Variants in ATP6V1C1 observed in about 807,000 individuals in gnomAD.
ATP6V1C1 encodes the protein V-type proton ATPase subunit C 1.
ATP6V1C1 carries 45 observed loss-of-function variants against 53.9 expected under a neutral mutation model. The ratio of observed to expected loss-of-function variants is 0.83; its 90% confidence interval spans 0.66 to 1.07. The LOEUF is 1.07. ATP6V1C1 is among the 50% of genes least tolerant of loss of function. The pLI is 0.00. For missense variants in ATP6V1C1, 315 were observed against 440.3 expected (o/e 0.72, Z 2.55); for synonymous variants, 153 against 155.2 (o/e 0.99, Z 0.11).
At position 103,030,518 on chromosome 8, in the gene ATP6V1C1, A is replaced by G. The variant is rs77706022; in HGVS notation, c.-40+9293A>G. On this transcript the variant is annotated intron_variant, in intron 1 of 12. Transcript: ENST00000518738. ...CAAATCTGGACAAGATATATTAAAAAACTGCTTCCAGACATCGGACAATAG... is the reference window on the plus strand; with the variant it reads ...CAAATCTGGACAAGATATATTAAAAGACTGCTTCCAGACATCGGACAATAG... Among the ~76,000 whole-genome samples, 293 of 152,312 alleles carry G rather than the reference A, an allele frequency of 1.9e-3. 1 individual carries two copies. The highest frequency in any genetic ancestry group is 6.9e-3 in the African/African-American group (285 of 41,574).
intron 10 of ATP6V1C1, 30 bp from the exon 11 acceptor site, chr8:103,064,684 A>G (rs1275954118): frequency 1.3e-6 from 2 of 1,590,372 alleles, no homozygotes; most frequent in East Asian, 2.2e-5. Flanking sequence ...TCTAAGACCA[A>G]ATTTGTGGTA....
chr8:103,068,915 G>A lies in ATP6V1C1; in HGVS notation c.*168G>A. 2.6e-6 allele frequency: 1 copy of A among 383,638 alleles called. No individual in the cohort carries two copies. Among genetic ancestry groups the A allele is most frequent in the South Asian group, 1.1e-4 (1 of 8,888 alleles). The allele number at this position is 383,638 out of a possible 1,614,324, so 23.8% of individuals were successfully genotyped here. On this transcript the variant is annotated 3_prime_UTR_variant, in exon 13 of 13. Transcript: ENST00000518738. ...TGTATCTCAACATTTTCTTTTTAAAGGAAAAAATATATATATATAGTTTCT... is the reference window on the plus strand; with the variant it reads ...TGTATCTCAACATTTTCTTTTTAAAAGAAAAAATATATATATATAGTTTCT...
intron 8 of ATP6V1C1, among the ~76,000 whole-genome samples, chr8:103,059,324 C>A (rs1586325598): frequency 6.6e-6 from 1 of 152,216 alleles, no homozygotes; most frequent in East Asian, 1.9e-4. Flanking sequence ...AGCCAGCCTT[C>A]CCCCCAACCA....
chr8:103,031,353 A>G (rs1044296536), intron 1 of ATP6V1C1, among the ~76,000 whole-genome samples: 1 of 152,170 alleles, frequency 6.6e-6, no homozygotes, highest in Non-Finnish European at 1.5e-5. Flanking sequence ...ATTTATAAAG[A>G]AAAGAGGTTT....
chr8:103,064,137 T>C (rs1157685303), intron 10 of ATP6V1C1, among the ~76,000 whole-genome samples: 2 of 152,220 alleles, frequency 1.3e-5, no homozygotes, highest in Non-Finnish European at 2.9e-5. Context: ...AGGAGGTATT[T>C]GAAATCCGCT....
Position 103,071,002 on chromosome 8 carries a change from G to A in ATP6V1C1, c.*2255G>A, listed in dbSNP as rs1817577988. ...GGTTGATGCAGGTACTTAGCCCTTGGGGAACACAGGTAGTTCCTTTTCACT... is the reference window on the plus strand; with the variant it reads ...GGTTGATGCAGGTACTTAGCCCTTGAGGAACACAGGTAGTTCCTTTTCACT... On this transcript the variant is annotated 3_prime_UTR_variant, in exon 13 of 13. Coordinates refer to ENST00000518738, the MANE Select transcript of ATP6V1C1 (RefSeq NM_001695.5). 1 of 152,278 alleles carries A rather than the reference G, an allele frequency of 6.6e-6. No individual in the cohort carries two copies. Among genetic ancestry groups the A allele is most frequent in the Non-Finnish European group, 1.5e-5 (1 of 68,068 alleles). The allele number at this position is 152,278 out of a possible 1,614,324, so 9.4% of individuals were successfully genotyped here.
rs1416712428 is a variant in ATP6V1C1 at position 103,048,911 on chromosome 8, A to G, written c.242A>G (p.Glu81Gly). ...GCTCAATACATGGCTGATGTATTGGAAGATAGCAAAGACAAAGTTCAAGAG... is the reference window on the plus strand; with the variant it reads ...GCTCAATACATGGCTGATGTATTGGGAGATAGCAAAGACAAAGTTCAAGAG... ...KVAQYMADVL[E>G]DSKDKVQENL... Residue 81 changes from glutamate (E) to glycine (G), a missense_variant, in exon 4 of 13, where the codon GAA (glutamate) becomes GGA (glycine). Glu to Gly is a moderately conservative substitution (Grantham distance 98). Coordinates refer to ENST00000518738, the MANE Select transcript of ATP6V1C1 (RefSeq NM_001695.5). 1.9e-6 allele frequency: 3 copies of G among 1,613,380 alleles called. No individual in the cohort carries two copies.
chr8:103,062,848 G>A (rs1817425384), intron 8 of ATP6V1C1, 107 bp from the exon 9 acceptor site: 4 of 835,378 alleles, frequency 4.8e-6, no homozygotes, highest in Non-Finnish European at 5.8e-6. Flanking sequence ...ATTTGGGAAG[G>A]GCTATTATAC....
chr8:103,028,832 A>G lies in ATP6V1C1; in HGVS notation c.-40+7607A>G, dbSNP rs777828577. On this transcript the variant is annotated intron_variant, in intron 1 of 12. Transcript: ENST00000518738. ...AAAGGGCCGTTTACCAACTTTGATC[A>G]CATCTTCAGAAGTAGCTACAATTAA... 5.3e-5 allele frequency among the ~76,000 whole-genome samples: 8 copies of G among 152,322 alleles called. No individual in the cohort carries two copies. The South Asian group carries it at 8.3e-4, about 16-fold the overall frequency.
intron 1 of ATP6V1C1, among the ~76,000 whole-genome samples, chr8:103,038,481 C>T (rs779262723): frequency 4.6e-5 from 7 of 152,142 alleles, no homozygotes; most frequent in Non-Finnish European, 8.8e-5. Flanking sequence ...GAAGACATAT[C>T]CTGTAATTCA....
intron 4 of ATP6V1C1, among the ~76,000 whole-genome samples, chr8:103,050,011 A>G (rs1375062495): frequency 6.6e-6 from 1 of 152,016 alleles, no homozygotes; most frequent in African/African-American, 2.4e-5. Context: ...TTCATTCTCT[A>G]CAGGATCACC....
chr8:103,055,783 T>C, intron 7 of ATP6V1C1, 85 bp from the exon 8 acceptor site: 1 of 1,285,554 alleles, frequency 7.8e-7, no homozygotes, highest in East Asian at 2.4e-5. Context: ...ATTTCCTATT[T>C]GTCTCATAAT....
intron 1 of ATP6V1C1, among the ~76,000 whole-genome samples, chr8:103,040,376 T>G (rs1253915593): frequency 6.6e-6 from 1 of 151,570 alleles, no homozygotes; most frequent in Non-Finnish European, 1.5e-5. Flanking sequence ...ATTATGCCAC[T>G]GTACTCCAGC....
At chr8:103,051,239 A>G (rs1817194719) in intron 5 of ATP6V1C1, 95 bp downstream of exon 5, 1 of 873,606 alleles carries the variant, frequency 1.1e-6, no homozygotes. Context: ...GGTTTTGATA[A>G]GGCAACTTAA....
At chr8:103,025,177 T>A (rs1388629230) in intron 1 of ATP6V1C1, among the ~76,000 whole-genome samples, 1 of 152,214 alleles carries the variant, frequency 6.6e-6, no homozygotes, top group Non-Finnish European at 1.5e-5. Context: ...TAGGAAGTTG[T>A]AAATTAAGGC....
chr8:103,064,047 A>G (rs373440802), intron 10 of ATP6V1C1, among the ~76,000 whole-genome samples: 56 of 152,288 alleles, frequency 3.7e-4, no homozygotes, highest in African/African-American at 1.3e-3. Context: ...CTTTTGCTTA[A>G]ATTAATTGTT....
intron 1 of ATP6V1C1, among the ~76,000 whole-genome samples, chr8:103,023,602 G>T (rs1816638187): frequency 6.6e-6 from 1 of 152,122 alleles, no homozygotes; most frequent in Non-Finnish European, 1.5e-5. Flanking sequence ...CCTTTTGTAA[G>T]GTCATCTATT....
At chr8:103,035,066 A>G (rs1191336973) in intron 1 of ATP6V1C1, among the ~76,000 whole-genome samples, 1 of 152,166 alleles carries the variant, frequency 6.6e-6, no homozygotes, top group Non-Finnish European at 1.5e-5. Flanking sequence ...TGCTTTGACG[A>G]GGGGTAGAAG....
chr8:103,043,106 G>A (rs1478552383), intron 3 of ATP6V1C1, among the ~76,000 whole-genome samples: 1 of 152,064 alleles, frequency 6.6e-6, no homozygotes, highest in East Asian at 1.9e-4. Context: ...TCTTGGGTAT[G>A]TACCTAAGAG....
Sources: allele counts gnomAD v4.1 joint callset (sites outside exome capture counted in the v4.1 genomes callset), GRCh38; gene constraint gnomAD v4.1.1; transcripts MANE v1.5; gene names NCBI Gene and HGNC (gene_info 2026-07-23, HGNC 2026-07-21).